The following NFATC1 variants were observed in gnomAD, a reference collection of about 807,000 sequenced individuals.
NFATC1 encodes the protein nuclear factor of activated T cells 1, also known as nuclear factor of activated T-cells, cytoplasmic 1.
Under a neutral mutation model 76.0 loss-of-function variants are expected in NFATC1, and 22 were observed. The ratio of observed to expected loss-of-function variants is 0.29; its 90% CI spans 0.21 to 0.41. The LOEUF (loss-of-function observed/expected upper bound fraction) is 0.41. Ranked by LOEUF, NFATC1 falls within the 10% of genes least tolerant of loss-of-function variation. The probability of loss-of-function intolerance (pLI) is 1.00; values close to 1 mark genes in which losing one functional copy is unlikely to be tolerated. For synonymous variants in NFATC1, 704 were observed against 613.1 expected, an observed-to-expected ratio of 1.15 and a Z score of -2.19; for missense variants, 1,357 against 1,337.7, an observed-to-expected ratio of 1.01 and a Z score of -0.23.
chr18:79,526,159 G>A (rs2090757104), intron 9 of NFATC1, among the ~76,000 whole-genome samples: 1 of 152,236 alleles, frequency 6.6e-6, no homozygotes, highest in Non-Finnish European at 1.5e-5. Flanking sequence ...GAGCTGCCGT[G>A]CGCACTCTGG....
intron 2 of NFATC1, among the ~76,000 whole-genome samples, chr18:79,431,439 A>C (rs139468696): frequency 6.7e-6 from 1 of 149,558 alleles, no homozygotes; most frequent in East Asian, 2.0e-4. Context: ...TGCCATCTCA[A>C]CCTCCCCTGG....
chr18:79,423,043 G>C (rs1014879884), intron 2 of NFATC1, among the ~76,000 whole-genome samples: 1 of 151,744 alleles, frequency 6.6e-6, no homozygotes, highest in Non-Finnish European at 1.5e-5. Flanking sequence ...TGGGATGGCA[G>C]GGCCTGTGTC....
At chr18:79,459,427 TAAAG>T (rs1227593385) in intron 6 of NFATC1, among the ~76,000 whole-genome samples, 1 of 151,994 alleles carries the variant, frequency 6.6e-6, no homozygotes, top group Non-Finnish European at 1.5e-5. Flanking sequence ...TCTCGGGACA[TAAAG>T]AGAGGAGCAG....
At chr18:79,418,768 GT>G (rs1333198529) in intron 2 of NFATC1, among the ~76,000 whole-genome samples, 1 of 152,232 alleles carries the variant, frequency 6.6e-6, no homozygotes, top group Non-Finnish European at 1.5e-5. Flanking sequence ...TGTTTAGTTT[GT>G]TTCTGCTGTT....
chr18:79,411,550 G>A, intron 2 of NFATC1, 49 bp downstream of exon 2: 2 of 1,321,406 alleles, frequency 1.5e-6, no homozygotes, highest in Non-Finnish European at 1.9e-6. Flanking sequence ...GAGGCGCGGG[G>A]CGGGGCGGAA....
chr18:79,431,801 T>A (rs971501018), intron 2 of NFATC1, among the ~76,000 whole-genome samples: 1 of 152,176 alleles, frequency 6.6e-6, no homozygotes, highest in Admixed American at 6.5e-5. Context: ...CTCTTCGGTA[T>A]AAGCAATTCT....
chr18:79,511,578 G>A (rs1027923488), intron 9 of NFATC1, among the ~76,000 whole-genome samples: 1 of 152,136 alleles, frequency 6.6e-6, no homozygotes, highest in East Asian at 1.9e-4. Flanking sequence ...CAGGATGTAC[G>A]TAGCCTGAGC....
intron 2 of NFATC1, 25 bp downstream of exon 2, chr18:79,411,526 CGGGGAGGCGA>C (rs768947037): frequency 3.4e-5 from 46 of 1,369,514 alleles, no homozygotes; most frequent in Admixed American, 9.0e-5. Flanking sequence ...CGGGGCGGGA[CGGGGAGGCGA>C]GGGGAGGCGC....
intron 6 of NFATC1, among the ~76,000 whole-genome samples, chr18:79,459,776 CCAAA>C (rs1446798450): frequency 6.6e-6 from 1 of 152,116 alleles, no homozygotes; most frequent in Non-Finnish European, 1.5e-5. Context: ...TCAAAAGGTG[CCAAA>C]CAACCAGAAG....
At position 79,486,534 on chromosome 18, in the gene NFATC1, G is replaced by A. The variant is rs764802600; in HGVS notation, c.2379G>A (p.Pro793=). ...PGHCHLGLPQ[P]AGEAPAVQDV... is the part of the protein sequence containing the mutation. ...ACTGTCACCTCGGACTCCCGCAGCC[G>A]GCCGGAGAGGCCCCCGCCGTCCAGG... The change falls in exon 9 of 10, where the codon CCG becomes CCA. Residue 793 remains proline (P), a synonymous_variant. Transcript: ENST00000427363. 4.9e-5 allele frequency: 78 copies of A among 1,597,250 alleles called. No individual in the cohort carries two copies. The highest frequency in any genetic ancestry group is 1.7e-4 in the Middle Eastern group (1 of 6,032).
chr18:79,480,629 C>T lies in NFATC1; in HGVS notation c.2093-5619C>T, dbSNP rs192912231. On this transcript the variant is annotated intron_variant, in intron 8 of 9. Coordinates refer to ENST00000427363, the MANE Select transcript of NFATC1 (RefSeq NM_001278669.2). ...GTACCACCGCGGTTTTAAACGGGGC[C>T]GTGTCTGAGCCGTGTTCTTGACGTT... is the stretch of plus-strand genomic sequence containing the variant. Among the ~76,000 whole-genome samples the T allele has an allele frequency of 2.0e-4, 31 of 152,252 alleles. No homozygotes were observed. The East Asian group carries it at 2.1e-3, about 10-fold the overall frequency.
At chr18:79,418,553 A>C (rs1403731651) in intron 2 of NFATC1, among the ~76,000 whole-genome samples, 1 of 152,180 alleles carries the variant, frequency 6.6e-6, no homozygotes, top group African/African-American at 2.4e-5. Context: ...GTCAGAGCCC[A>C]GTCGAGGGGC....
chr18:79,462,541 T>G (rs1189062449), intron 7 of NFATC1, among the ~76,000 whole-genome samples: 1 of 152,094 alleles, frequency 6.6e-6, no homozygotes, highest in Non-Finnish European at 1.5e-5. Flanking sequence ...CAACCTCAGG[T>G]GATCCGCCCG....
intron 1 of NFATC1, 34 bp downstream of exon 1, chr18:79,396,385 T>G: frequency 1.3e-5 from 15 of 1,170,678 alleles, no homozygotes; most frequent in East Asian, 4.2e-5. Context: ...CCCGGACCCC[T>G]GCGCCCCCCA....
At chr18:79,443,317 C>T (rs748429226) in intron 3 of NFATC1, among the ~76,000 whole-genome samples, 10 of 152,318 alleles carry the variant, frequency 6.6e-5, no homozygotes, top group Admixed American at 3.9e-4. Context: ...ACACTTGCCT[C>T]GGGCCCCCAC....
intron 9 of NFATC1, chr18:79,497,106 G>A (rs2089908224): frequency 6.6e-6 from 1 of 152,262 alleles, no homozygotes; most frequent in African/African-American, 2.4e-5. Context: ...GGGGAGCATG[G>A]TGTCTGTTTT....
intron 8 of NFATC1, among the ~76,000 whole-genome samples, chr18:79,478,708 G>A (rs1353190495): frequency 2.0e-5 from 3 of 152,234 alleles, no homozygotes; most frequent in Non-Finnish European, 4.4e-5. Context: ...TCTGTGGCCA[G>A]AATTGGCACC....
Position 79,469,745 on chromosome 18 carries a change from C to T in NFATC1, c.2092+2163C>T, listed in dbSNP as rs948855890. The T allele has an allele frequency of 4.9e-5, 48 of 985,848 alleles. No homozygotes were observed. In the African/African-American group the frequency reaches 8.2e-4, roughly 17 times the overall value. The allele number at this position is 985,848 out of a possible 1,614,324, so 61.1% of individuals were successfully genotyped here. Reference sequence around the variant, plus strand: ...CTCCCTCTCTTTGCCTCCGTCGTCTCTTCTCTCCTGGACGTAGCACCATAG... The same window carrying T: ...CTCCCTCTCTTTGCCTCCGTCGTCTTTTCTCTCCTGGACGTAGCACCATAG... On this transcript the variant is annotated intron_variant, in intron 8 of 9. Transcript: ENST00000427363.
At position 79,410,817 on chromosome 18, in the gene NFATC1, G is replaced by C; in HGVS notation, c.542G>C (p.Ser181Thr). 1 of 1,612,206 alleles carries C rather than the reference G, an allele frequency of 6.2e-7. No individual in the cohort carries two copies. The highest frequency in any genetic ancestry group is 8.5e-7 in the Non-Finnish European group (1 of 1,179,648). ...CCGGCCAGCAGCCTGTCCTCCCGGA[G>C]CTGCAACTCAGAGGCCTCCTCCTAC... Reference protein sequence around the residue: ...LSPASSLSSRSCNSEASSYES... With the variant: ...LSPASSLSSRTCNSEASSYES... Residue 181 changes from serine (S) to threonine (T), a missense_variant, in exon 2 of 10, where the codon AGC becomes ACC. By Grantham distance (58) the Ser-to-Thr change is moderately conservative (BLOSUM62 1). Around this residue, in one of 3 missense-constraint regions of NFATC1, gnomAD observed 691 missense variants for 613.1 expected, o/e 1.13. Transcript: ENST00000427363. This position sits in a 1 kb window ranked among gnomAD's most constrained non-coding sequence, Gnocchi z 6.7.
Sources: gnomAD v4.1 joint callset for allele counts (sites outside exome capture counted in the v4.1 genomes callset) on GRCh38, gnomAD v4.1.1 for gene constraint, gnomAD v4.1.1 regional missense constraint, Gnocchi (gnomAD v3.1) non-coding constraint, MANE v1.5 for transcripts, NCBI Gene and HGNC (gene_info 2026-07-23, HGNC 2026-07-21) for gene names.